Variants in TENM3 observed in about 807,000 individuals in gnomAD.
The protein encoded by TENM3 is teneurin transmembrane protein 3.
Under a neutral mutation model 255.1 loss-of-function variants are expected in TENM3, and 63 were observed. The ratio of observed to expected loss-of-function variants is 0.25; its 90% CI spans 0.20 to 0.30. The LOEUF (loss-of-function observed/expected upper bound fraction) is 0.30. Ranked by LOEUF, TENM3 falls within the 10% of genes least tolerant of loss-of-function variation. TENM3 has a pLI of 1.00. For synonymous variants in TENM3, 1,306 were observed against 1,322.3 expected (o/e 0.99, Z 0.27); for missense variants, 2,929 against 3,461.1 (o/e 0.85, Z 3.86).
At chr4:182,787,861 C>G (rs1765802087) in intron 24 of TENM3, among the ~76,000 whole-genome samples, 1 of 151,794 alleles carries the variant, frequency 6.6e-6, no homozygotes, top group Non-Finnish European at 1.5e-5. Context: ...GCTTATCGAG[C>G]TGCCATTCCA....
At chr4:181,785,079 A>C in the TENM3 span, among the ~76,000 whole-genome samples, 1 of 152,184 alleles carries the variant, frequency 6.6e-6, no homozygotes, top group African/African-American at 2.4e-5. Context: ...ACAAGAGCTA[A>C]GAGGATTTAG....
rs993064301 is a variant in TENM3, at chr4:182,801,282, T to G, written c.*931T>G. ...TAGGTTGAAAAAATGTGCAAGCTTCTATCACTAGATGGATAGGACCGTGCA... is the reference window on the plus strand; with the variant it reads ...TAGGTTGAAAAAATGTGCAAGCTTCGATCACTAGATGGATAGGACCGTGCA... On this transcript the variant is annotated 3_prime_UTR_variant, in exon 28 of 28. Transcript: ENST00000511685. 6.6e-6 allele frequency: 1 copy of G among 152,552 alleles called. No individual in the cohort carries two copies. Among genetic ancestry groups the G allele is most frequent in the African/African-American group, 2.4e-5 (1 of 41,442 alleles). The allele number at this position is 152,552 out of a possible 1,614,324, so 9.4% of individuals were successfully genotyped here.
the TENM3 span, among the ~76,000 whole-genome samples, chr4:181,915,722 G>A: frequency 2.0e-5 from 3 of 151,460 alleles, no homozygotes; most frequent in Non-Finnish European, 4.4e-5. Flanking sequence ...GGAGGGGAGA[G>A]GAGAGGAGAG....
the TENM3 span, among the ~76,000 whole-genome samples, chr4:181,663,863 C>T: frequency 2.7e-4 from 41 of 152,304 alleles, no homozygotes; most frequent in African/African-American, 9.1e-4. Flanking sequence ...TCAATGCTGC[C>T]GTCATCCTCT....
chr4:181,619,446 G>C, the TENM3 span, among the ~76,000 whole-genome samples: 4 of 151,996 alleles, frequency 2.6e-5, no homozygotes, highest in African/African-American at 7.3e-5. Context: ...TTTAGAGACA[G>C]AGTCTCACTC....
chr4:181,686,059 C>A, the TENM3 span, among the ~76,000 whole-genome samples: 1 of 152,074 alleles, frequency 6.6e-6, no homozygotes. Context: ...CATATTTTTT[C>A]TGAGTCACTG....
At chr4:181,845,832 T>C in the TENM3 span, among the ~76,000 whole-genome samples, 1 of 152,234 alleles carries the variant, frequency 6.6e-6, no homozygotes, top group Non-Finnish European at 1.5e-5. Context: ...CAGCGGGTGT[T>C]CCTGAATCCT....
At chr4:181,671,697 T>C in the TENM3 span, among the ~76,000 whole-genome samples, 15 of 152,268 alleles carry the variant, frequency 9.9e-5, no homozygotes, top group East Asian at 1.9e-3. Flanking sequence ...ACCCAGTTAA[T>C]TGCCTACTTT....
At chr4:182,641,818 C>T (rs534105968) in intron 5 of TENM3, among the ~76,000 whole-genome samples, 4 of 152,298 alleles carry the variant, frequency 2.6e-5, no homozygotes, top group East Asian at 3.9e-4. Flanking sequence ...CAAGCCACCG[C>T]GCCTGGCCTA....
chr4:181,759,724 ATGTGTGTG>A, the TENM3 span, among the ~76,000 whole-genome samples: 34 of 146,618 alleles, frequency 2.3e-4, no homozygotes, highest in South Asian at 4.4e-4. Flanking sequence ...CAATCAACAG[ATGTGTGTG>A]TGTGTGTGTG....
chr4:182,075,001 C>A, the TENM3 span, among the ~76,000 whole-genome samples: 1 of 152,006 alleles, frequency 6.6e-6, no homozygotes, highest in Non-Finnish European at 1.5e-5. Flanking sequence ...CCAGTGTCCA[C>A]GGGGGTTATG....
chr4:181,665,526 C>T, the TENM3 span, among the ~76,000 whole-genome samples: 3 of 151,934 alleles, frequency 2.0e-5, no homozygotes, highest in East Asian at 1.9e-4. Flanking sequence ...TCATCGCGTG[C>T]GTGTGTGTAT....
intron 3 of TENM3, among the ~76,000 whole-genome samples, chr4:182,418,370 T>C (rs1223796312): frequency 6.6e-6 from 1 of 152,050 alleles, no homozygotes; most frequent in Non-Finnish European, 1.5e-5. Context: ...ACCACGGAAT[T>C]CGTAATGTCC....
the TENM3 span, among the ~76,000 whole-genome samples, chr4:181,990,771 A>C: frequency 6.6e-6 from 1 of 152,144 alleles, no homozygotes; most frequent in East Asian, 1.9e-4. Context: ...ACTAACTAAT[A>C]ATAATCAACA....
At chr4:182,242,685 T>G (rs1256237095), upstream of TENM3, among the ~76,000 whole-genome samples, 1 of 152,176 alleles carries the variant, frequency 6.6e-6, no homozygotes, top group African/African-American at 2.4e-5. Context: ...CACCTGAGCC[T>G]GGGAAGTCGA....
At chr4:182,744,868 T>C (rs1054380023) in intron 19 of TENM3, among the ~76,000 whole-genome samples, 12 of 152,172 alleles carry the variant, frequency 7.9e-5, no homozygotes, top group African/African-American at 2.4e-4. Flanking sequence ...ATGTCTGCTT[T>C]CTGTGTACAC....
At chr4:181,599,270 G>T in the TENM3 span, among the ~76,000 whole-genome samples, 3 of 152,166 alleles carry the variant, frequency 2.0e-5, no homozygotes, top group African/African-American at 7.2e-5. Context: ...CCTTCGTTCT[G>T]TGCAAACAGC....
chr4:182,571,125 A>G (rs1490354750), intron 3 of TENM3, among the ~76,000 whole-genome samples: 1 of 152,228 alleles, frequency 6.6e-6, no homozygotes, highest in Non-Finnish European at 1.5e-5. Flanking sequence ...AAACACAACA[A>G]ATAACTATTG....
At chr4:181,806,937 G>T in the TENM3 span, among the ~76,000 whole-genome samples, 4 of 152,266 alleles carry the variant, frequency 2.6e-5, no homozygotes, top group East Asian at 1.9e-4. Context: ...TGGTTGAACT[G>T]TATCTGTCTC....
Sources: allele counts gnomAD v4.1 joint callset (sites outside exome capture counted in the v4.1 genomes callset), GRCh38; gene constraint gnomAD v4.1.1; transcripts MANE v1.5; gene names NCBI Gene and HGNC (gene_info 2026-07-23, HGNC 2026-07-21).